RSRC1: variants seen among roughly 807,000 people sequenced by gnomAD.
RSRC1 encodes the protein arginine and serine rich coiled-coil 1.
A neutral mutation model predicts 49.1 loss-of-function variants in RSRC1; 39 were observed. That is an observed-to-expected ratio of 0.79 (90% CI 0.61 to 1.04). The LOEUF (loss-of-function observed/expected upper bound fraction) is 1.04, where lower values mean the gene tolerates loss of function less well. RSRC1 is among the 50% of genes least tolerant of loss of function. The pLI is 0.00. For synonymous variants in RSRC1, 143 were observed against 130.8 expected, an observed-to-expected ratio of 1.09 and a Z score of -0.63; for missense variants, 388 against 402.4, an observed-to-expected ratio of 0.96 and a Z score of 0.31.
chr3:158,328,908 C>T (rs1361341703), intron 5 of RSRC1, among the ~76,000 whole-genome samples: 1 of 152,106 alleles, frequency 6.6e-6, no homozygotes, highest in Non-Finnish European at 1.5e-5. Context: ...TCACATAGTC[C>T]CATATTTCTT....
chr3:158,396,392 G>GTT (rs202186075), intron 6 of RSRC1, among the ~76,000 whole-genome samples: 59 of 136,130 alleles, frequency 4.3e-4, no homozygotes, highest in Middle Eastern at 3.8e-3. Flanking sequence ...GATGGGCAAT[G>GTT]TTTTTTTTTT....
At chr3:158,423,509 G>A (rs889462759) in intron 6 of RSRC1, among the ~76,000 whole-genome samples, 4 of 152,102 alleles carry the variant, frequency 2.6e-5, no homozygotes, top group African/African-American at 4.8e-5. Context: ...GTCAGGTAGT[G>A]TGGATGCCTC....
chr3:158,349,971 T>TACA (rs1730776478), intron 5 of RSRC1, among the ~76,000 whole-genome samples: 1 of 151,298 alleles, frequency 6.6e-6, no homozygotes, highest in Admixed American at 6.6e-5. Context: ...GTGCTAGGAT[T>TACA]ACAGGCTTGA....
chr3:158,338,439 G>A (rs1019072684), intron 5 of RSRC1, among the ~76,000 whole-genome samples: 16 of 152,148 alleles, frequency 1.1e-4, no homozygotes, highest in Non-Finnish European at 1.9e-4. Context: ...TAGAATTATA[G>A]TAACTGTTAA....
chr3:158,540,250 C>T (rs1202570867), intron 8 of RSRC1, among the ~76,000 whole-genome samples: 1 of 150,906 alleles, frequency 6.6e-6, no homozygotes, highest in Non-Finnish European at 1.5e-5. Context: ...TGAGACTTGG[C>T]AAAAAAAATT....
intron 6 of RSRC1, among the ~76,000 whole-genome samples, chr3:158,456,094 TATTAGGCA>T (rs1737301617): frequency 6.6e-6 from 1 of 150,782 alleles, no homozygotes; most frequent in Non-Finnish European, 1.5e-5. Flanking sequence ...ACACCTGCTG[TATTAGGCA>T]AAGTGGACAT....
rs996999915 is a variant in RSRC1 at position 158,123,900 on chromosome 3, G to A, written c.229G>A (p.Gly77Ser). Residue 77 changes from glycine to serine, a missense_variant, in exon 3 of 10, where the codon GGC becomes AGC. Transcript: ENST00000611884. ...RHRSSSSSSY[G>S]SRRKRSRSRS... is the part of the protein sequence containing the mutation. ...TCGATCAAGCAGTAGCTCTTCTTAT[G>A]GCTCCAGAAGGAAACGAAGTCGAAG... 5 of 1,612,000 alleles carry A rather than the reference G, an allele frequency of 3.1e-6. No individual in the cohort carries two copies. Among genetic ancestry groups the A allele is most frequent in the Non-Finnish European group, 4.2e-6 (5 of 1,178,784 alleles).
chr3:158,433,946 AAAGTT>A (rs1282028774), intron 6 of RSRC1, among the ~76,000 whole-genome samples: 1 of 151,974 alleles, frequency 6.6e-6, no homozygotes, highest in African/African-American at 2.4e-5. Flanking sequence ...TAAATAAAAT[AAAGTT>A]ATCTCTTGGC....
chr3:158,113,483 C>G (rs540035555), intron 1 of RSRC1, among the ~76,000 whole-genome samples: 7 of 152,010 alleles, frequency 4.6e-5, no homozygotes, highest in African/African-American at 1.4e-4. Flanking sequence ...ACTCTCCTGC[C>G]TCAGCCTCCT....
At chr3:158,277,167 A>G (rs1318458702) in intron 4 of RSRC1, among the ~76,000 whole-genome samples, 1 of 152,218 alleles carries the variant, frequency 6.6e-6, no homozygotes, top group Non-Finnish European at 1.5e-5. Context: ...TGTGTAATTA[A>G]AATGCATGAA....
intron 4 of RSRC1, among the ~76,000 whole-genome samples, chr3:158,232,730 A>G (rs1335811492): frequency 6.6e-6 from 1 of 152,212 alleles, no homozygotes; most frequent in Non-Finnish European, 1.5e-5. Flanking sequence ...CCCTCCTCAG[A>G]GAGAATGGTA....
At chr3:158,299,492 T>C (rs1205037317) in intron 5 of RSRC1, among the ~76,000 whole-genome samples, 1 of 151,496 alleles carries the variant, frequency 6.6e-6, no homozygotes. Context: ...GTCACCACAC[T>C]CAGCTATTTT....
chr3:158,347,888 A>T (rs1730644847), intron 5 of RSRC1, among the ~76,000 whole-genome samples: 1 of 152,070 alleles, frequency 6.6e-6, no homozygotes, highest in African/African-American at 2.4e-5. Context: ...TTTTTAAAAA[A>T]ATTGAATTTT....
At chr3:158,114,607 C>T (rs1714663403) in intron 1 of RSRC1, among the ~76,000 whole-genome samples, 1 of 152,090 alleles carries the variant, frequency 6.6e-6, no homozygotes, top group Admixed American at 6.6e-5. Flanking sequence ...GCCATTTTCA[C>T]GATATTGATT....
chr3:158,285,801 G>A (rs561024634), intron 4 of RSRC1, among the ~76,000 whole-genome samples: 98 of 152,264 alleles, frequency 6.4e-4, no homozygotes, highest in African/African-American at 1.5e-3. Context: ...GGCTGAGACA[G>A]TGGGGTTTTC....
chr3:158,163,025 T>A (rs1425442168), intron 3 of RSRC1, among the ~76,000 whole-genome samples: 1 of 152,132 alleles, frequency 6.6e-6, no homozygotes, highest in Non-Finnish European at 1.5e-5. Flanking sequence ...TTTTTTGAGA[T>A]GGAATCTCAT....
chr3:158,324,135 AT>A (rs1728929462), intron 5 of RSRC1, among the ~76,000 whole-genome samples: 1 of 152,166 alleles, frequency 6.6e-6, no homozygotes, highest in Non-Finnish European at 1.5e-5. Context: ...GCAAAATTCA[AT>A]TATTTCTCTA....
intron 3 of RSRC1, among the ~76,000 whole-genome samples, chr3:158,142,853 C>G (rs1716834323): frequency 1.3e-5 from 2 of 152,072 alleles, no homozygotes; most frequent in Admixed American, 1.3e-4. Context: ...TTTCAAGTGC[C>G]TCTCTCTCCC....
chr3:158,470,022 T>G (rs6787172), intron 7 of RSRC1, among the ~76,000 whole-genome samples: 90,752 of 151,690 alleles, frequency 0.6, 28,015 homozygotes, highest in African/African-American at 0.74. Flanking sequence ...TTATCATACC[T>G]CATAATCTCT....
Sources: allele counts gnomAD v4.1 joint callset (sites outside exome capture counted in the v4.1 genomes callset), GRCh38; gene constraint gnomAD v4.1.1; transcripts MANE v1.5; gene names NCBI Gene and HGNC (gene_info 2026-07-23, HGNC 2026-07-21).